The following SMAD6 variants were observed in gnomAD, a reference collection of about 807,000 sequenced individuals.
SMAD6 encodes the protein SMAD family member 6.
A neutral mutation model predicts 39.4 loss-of-function variants in SMAD6; 103 were observed. The ratio of observed to expected loss-of-function variants is 2.62; its 90% CI spans 2.23 to 3.08. SMAD6 has a LOEUF of 3.08. SMAD6 is among the 30% of genes most tolerant of loss of function. SMAD6 has a pLI of 0.00. For missense variants in SMAD6, 1,104 were observed against 742.9 expected (o/e 1.49, Z -5.65); for synonymous variants, 445 against 353.3 (o/e 1.26, Z -2.91).
At chr15:66,767,625 A>G (rs912329365) in intron 3 of SMAD6, among the ~76,000 whole-genome samples, 3 of 152,232 alleles carry the variant, frequency 2.0e-5, no homozygotes, top group African/African-American at 4.8e-5. Flanking sequence ...GCATTTTGCA[A>G]CATTTTTGTT....
At chr15:66,709,604 T>C (rs1164879728) in intron 1 of SMAD6, among the ~76,000 whole-genome samples, 1 of 152,246 alleles carries the variant, frequency 6.6e-6, no homozygotes, top group Non-Finnish European at 1.5e-5. Flanking sequence ...ATGTGTGGCC[T>C]AGACCTCAGC....
Position 66,781,340 on chromosome 15 carries a change from C to T in SMAD6, c.1296C>T (p.Pro432=), listed in dbSNP as rs1436310702. ...GRALVVRKVP[P]GYSIKVFDFE... is the part of the protein sequence containing the mutation. The stretch of plus-strand genomic sequence containing the variant: ...CCCTGGTCGTGCGCAAGGTGCCCCC[C>T]GGCTACTCCATCAAGGTGTTCGACT... Residue 432 remains proline (P), a synonymous_variant, in exon 4 of 4, where the codon CCC becomes CCT. Transcript: ENST00000288840. The T allele has an allele frequency of 6.3e-7, 1 of 1,598,978 alleles. No individual in the cohort carries two copies. The highest frequency in any genetic ancestry group is 8.5e-7 in the Non-Finnish European group (1 of 1,174,454).
At chr15:66,732,377 C>T (rs2439388) in intron 3 of SMAD6, among the ~76,000 whole-genome samples, 1 of 152,176 alleles carries the variant, frequency 6.6e-6, no homozygotes. Context: ...AAAGAAACAG[C>T]GTCTCACTCT....
chr15:66,728,723 T>G (rs980021236), intron 3 of SMAD6, among the ~76,000 whole-genome samples: 3 of 152,210 alleles, frequency 2.0e-5, no homozygotes, highest in Non-Finnish European at 4.4e-5. Context: ...ATTGTTGTTG[T>G]GTATTGCCGA....
chr15:66,751,104 A>G (rs2140647812), intron 3 of SMAD6, among the ~76,000 whole-genome samples: 1 of 152,314 alleles, frequency 6.6e-6, no homozygotes, highest in East Asian at 1.9e-4. Flanking sequence ...GAGAACAAAT[A>G]CTGAGAACGC....
At position 66,781,304 on chromosome 15, in the gene SMAD6, C is replaced by A; in HGVS notation, c.1260C>A (p.Pro420=). 1 of 1,602,512 alleles carries A rather than the reference C, an allele frequency of 6.2e-7. No individual in the cohort carries two copies. Among genetic ancestry groups the A allele is most frequent in the African/African-American group, 1.3e-5 (1 of 74,900 alleles). The change falls in exon 4 of 4, where the codon CCC becomes CCA. Residue 420 remains proline, a synonymous_variant. Coordinates refer to ENST00000288840, the MANE Select transcript of SMAD6 (RefSeq NM_005585.5). ...IFVNSPTLDA[P]GGRALVVRKV... is the part of the protein sequence containing the mutation. ...TCAACTCCCCGACGCTGGACGCGCC[C>A]GGCGGCCGCGCCCTGGTCGTGCGCA...
chr15:66,746,302 C>G (rs1213913147), intron 3 of SMAD6, among the ~76,000 whole-genome samples: 1 of 152,228 alleles, frequency 6.6e-6, no homozygotes, highest in Non-Finnish European at 1.5e-5. Context: ...CCTCAAAAGG[C>G]TGCATGACCC....
chr15:66,719,519 C>G (rs1250831255), intron 3 of SMAD6, among the ~76,000 whole-genome samples: 1 of 152,210 alleles, frequency 6.6e-6, no homozygotes, highest in Non-Finnish European at 1.5e-5. Context: ...CCTCAGTGTC[C>G]TGGGATGTAC....
chr15:66,781,208 C>A lies in SMAD6; in HGVS notation c.1164C>A (p.Gly388=). The A allele has an allele frequency of 1.2e-6, 2 of 1,608,466 alleles. No individual in the cohort carries two copies. Among genetic ancestry groups the A allele is most frequent in the Non-Finnish European group, 1.7e-6 (2 of 1,179,712 alleles). ...TGCGGCGAACGCGCAGCAAGATCGG[C>A]TTCGGCATCCTGCTCAGCAAGGAGC... ...ESVRRTRSKI[G]FGILLSKEPD... is the part of the protein sequence containing the mutation. The change falls in exon 4 of 4, where the codon GGC becomes GGA. Residue 388 remains glycine, a synonymous_variant. Coordinates refer to ENST00000288840, the MANE Select transcript of SMAD6 (RefSeq NM_005585.5).
intron 3 of SMAD6, among the ~76,000 whole-genome samples, chr15:66,724,369 CAG>C (rs1893485815): frequency 1.3e-5 from 2 of 152,148 alleles, no homozygotes; most frequent in Non-Finnish European, 2.9e-5. Flanking sequence ...CCCTTAAAGA[CAG>C]AAAGATCATC....
intron 1 of SMAD6, chr15:66,705,634 C>T (rs1328284345): frequency 6.6e-6 from 1 of 152,170 alleles, no homozygotes; most frequent in Non-Finnish European, 1.5e-5. Context: ...TCTCTTTCGC[C>T]ACTTCAGTGT....
intron 1 of SMAD6, chr15:66,706,896 C>T (rs955344779): frequency 7.9e-5 from 12 of 152,296 alleles, no homozygotes; most frequent in Admixed American, 7.8e-4. Flanking sequence ...TTTCCTATAT[C>T]TAAAGTAAAG....
At chr15:66,744,224 G>T (rs745885805) in intron 3 of SMAD6, among the ~76,000 whole-genome samples, 3 of 152,156 alleles carry the variant, frequency 2.0e-5, no homozygotes, top group South Asian at 2.1e-4. Context: ...AACAAAAACC[G>T]CGGCTCTGGG....
chr15:66,709,350 T>C (rs1057383834), intron 1 of SMAD6, among the ~76,000 whole-genome samples: 2 of 152,238 alleles, frequency 1.3e-5, no homozygotes, highest in Non-Finnish European at 2.9e-5. Context: ...TCTCACAACA[T>C]TGGAACTCCC....
Position 66,781,412 on chromosome 15 carries a change from C to T in SMAD6, c.1368C>T (p.Asp456=), listed in dbSNP as rs1894571830. 1.2e-6 allele frequency: 2 copies of T among 1,604,016 alleles called. No individual in the cohort carries two copies. The highest frequency in any genetic ancestry group is 1.1e-5 in the South Asian group (1 of 90,964). ...LQHAPEPDAA[D]GPYDPNSVRI... ...ACGCGCCCGAGCCCGACGCCGCCGACGGCCCCTACGACCCCAACAGCGTCC... is the reference window on the plus strand; with the variant it reads ...ACGCGCCCGAGCCCGACGCCGCCGATGGCCCCTACGACCCCAACAGCGTCC... The change falls in exon 4 of 4, where the codon GAC becomes GAT. Residue 456 remains aspartate (D), a synonymous_variant. Transcript: ENST00000288840.
intron 3 of SMAD6, among the ~76,000 whole-genome samples, chr15:66,755,660 C>A (rs1165581122): frequency 1.3e-5 from 2 of 152,188 alleles, no homozygotes; most frequent in Non-Finnish European, 2.9e-5. Context: ...TATCTGCTTA[C>A]CTGGGCTCCA....
intron 3 of SMAD6, among the ~76,000 whole-genome samples, chr15:66,737,783 G>A (rs960974694): frequency 9.2e-5 from 14 of 151,764 alleles, no homozygotes; most frequent in African/African-American, 3.1e-4. Flanking sequence ...AAAAAGGCCC[G>A]TGTGGCAAAC....
intron 3 of SMAD6, among the ~76,000 whole-genome samples, chr15:66,772,822 G>C (rs1449401754): frequency 2.0e-5 from 3 of 152,166 alleles, no homozygotes; most frequent in African/African-American, 7.2e-5. Context: ...TTTTAACCCT[G>C]TGCAGGAGAC....
chr15:66,775,578 A>G (rs1894452863), intron 3 of SMAD6, among the ~76,000 whole-genome samples: 1 of 151,708 alleles, frequency 6.6e-6, no homozygotes, highest in South Asian at 2.1e-4. Context: ...GGCTAGTGCC[A>G]CTCTGCCAGA....
Sources: gnomAD v4.1 joint callset for allele counts (sites outside exome capture counted in the v4.1 genomes callset) on GRCh38, gnomAD v4.1.1 for gene constraint, MANE v1.5 for transcripts, NCBI Gene and HGNC (gene_info 2026-07-23, HGNC 2026-07-21) for gene names.